The following ROBO1 variants were observed in gnomAD, a reference collection of about 807,000 sequenced individuals.
The protein encoded by ROBO1 is roundabout homolog 1.
A neutral mutation model predicts 195.9 loss-of-function variants in ROBO1; 149 were observed. The ratio of observed to expected loss-of-function variants is 0.76; its 90% CI spans 0.67 to 0.87. The LOEUF is 0.87. Ranked by LOEUF, ROBO1 falls within the 40% of genes least tolerant of loss-of-function variation. The probability of loss-of-function intolerance (pLI) is 0.00; values close to 1 mark genes in which losing one functional copy is unlikely to be tolerated. For synonymous variants in ROBO1, 816 were observed against 733.2 expected (o/e 1.11, Z -1.82); for missense variants, 1,933 against 2,068.3 (o/e 0.93, Z 1.27).
intron 2 of ROBO1, among the ~76,000 whole-genome samples, chr3:79,557,691 C>T (rs1942752137): frequency 7.9e-6 from 1 of 125,898 alleles, no homozygotes; most frequent in Non-Finnish European, 1.7e-5. Context: ...CGAGATCGCG[C>T]CACTGCACTC....
intron 20 of ROBO1, among the ~76,000 whole-genome samples, chr3:78,647,255 A>T (rs1292908602): frequency 6.6e-6 from 1 of 152,012 alleles, no homozygotes; most frequent in Non-Finnish European, 1.5e-5. Context: ...ATTATAAGGG[A>T]GAGAAATTTT....
intron 1 of ROBO1, among the ~76,000 whole-genome samples, chr3:79,760,503 A>C (rs1704640911): frequency 6.7e-6 from 1 of 150,156 alleles, no homozygotes; most frequent in African/African-American, 2.4e-5. Context: ...ATACCAAAAA[A>C]AAAAAAAAAA....
At chr3:79,330,075 A>G (rs2034369791) in intron 2 of ROBO1, among the ~76,000 whole-genome samples, 1 of 151,732 alleles carries the variant, frequency 6.6e-6, no homozygotes, top group Non-Finnish European at 1.5e-5. Context: ...TAAAATTAGT[A>G]ATTTAAAAGG....
chr3:79,228,300 G>C (rs1307010373), intron 2 of ROBO1, among the ~76,000 whole-genome samples: 1 of 152,104 alleles, frequency 6.6e-6, no homozygotes, highest in African/African-American at 2.4e-5. Context: ...TTTCTACCTA[G>C]TGAAGGGTCA....
chr3:79,197,551 C>G (rs537722577), intron 2 of ROBO1, among the ~76,000 whole-genome samples: 8 of 151,962 alleles, frequency 5.3e-5, no homozygotes, highest in Non-Finnish European at 1.2e-4. Context: ...TGGATATATA[C>G]CCAGTAATGG....
chr3:79,443,379 T>C (rs1049832931), intron 2 of ROBO1, among the ~76,000 whole-genome samples: 1 of 152,190 alleles, frequency 6.6e-6, no homozygotes, highest in Non-Finnish European at 1.5e-5. Context: ...GAATTAACTA[T>C]CTCGGTTAAA....
At chr3:78,900,109 C>A (rs1387415331) in intron 4 of ROBO1, among the ~76,000 whole-genome samples, 1 of 152,054 alleles carries the variant, frequency 6.6e-6, no homozygotes, top group Admixed American at 6.6e-5. Flanking sequence ...ACACTGAAAC[C>A]AGAAGACATG....
intron 2 of ROBO1, among the ~76,000 whole-genome samples, chr3:79,497,162 G>A (rs1939792019): frequency 6.6e-6 from 1 of 152,142 alleles, no homozygotes; most frequent in Admixed American, 6.5e-5. Context: ...CAAGTTTCAA[G>A]CAGATTCTAT....
intron 3 of ROBO1, among the ~76,000 whole-genome samples, chr3:79,022,422 TA>T (rs1483359440): frequency 1.3e-5 from 2 of 152,210 alleles, no homozygotes; most frequent in Admixed American, 6.5e-5. Flanking sequence ...CCATTCAGGT[TA>T]AATGACATCC....
At chr3:79,461,815 T>C (rs1231902594) in intron 2 of ROBO1, among the ~76,000 whole-genome samples, 1 of 152,058 alleles carries the variant, frequency 6.6e-6, no homozygotes, top group Non-Finnish European at 1.5e-5. Flanking sequence ...TGTTTGAAAA[T>C]GGCATAATGT....
chr3:79,332,434 T>C (rs561352222), intron 2 of ROBO1, among the ~76,000 whole-genome samples: 3 of 152,180 alleles, frequency 2.0e-5, no homozygotes, highest in Non-Finnish European at 4.4e-5. Context: ...TTGCTTGCCA[T>C]CAAACAAGAG....
rs116703288 is a variant in ROBO1, at chr3:79,113,121, T to G, written c.172+12335A>C. Among the ~76,000 whole-genome samples the G allele has an allele frequency of 2.3e-3, 344 of 152,246 alleles. 3 individuals are homozygous for G. Among genetic ancestry groups the G allele is most frequent in the African/African-American group, 7.9e-3 (329 of 41,562 alleles). The stretch of plus-strand genomic sequence containing the variant: ...CACAAAATATCAAATTTATGTGCTT[T>G]GATTTTCTCTCTGAGCTTCTTTAAA... On this transcript the variant is annotated intron_variant, in intron 3 of 30. Transcript: ENST00000464233.
At chr3:79,536,505 T>C (rs1190568365) in intron 2 of ROBO1, among the ~76,000 whole-genome samples, 1 of 152,184 alleles carries the variant, frequency 6.6e-6, no homozygotes. Context: ...AAATTTCTAT[T>C]GGGATTTCAA....
intron 4 of ROBO1, among the ~76,000 whole-genome samples, chr3:78,783,114 G>C (rs2083728618): frequency 6.6e-6 from 1 of 151,888 alleles, no homozygotes; most frequent in African/African-American, 2.4e-5. Context: ...AAATGTTAAG[G>C]GGTACAAGTG....
intron 2 of ROBO1, among the ~76,000 whole-genome samples, chr3:79,302,740 GAAATT>G (rs1192711567): frequency 6.6e-6 from 1 of 151,822 alleles, no homozygotes. Context: ...ATGTATAATG[GAAATT>G]AACCTTTCAG....
At chr3:78,960,272 C>T (rs1172580980) in intron 3 of ROBO1, among the ~76,000 whole-genome samples, 1 of 151,014 alleles carries the variant, frequency 6.6e-6, no homozygotes, top group Non-Finnish European at 1.5e-5. Context: ...AAATATCTAC[C>T]AATGCAAATA....
chr3:78,922,134 G>A (rs2038968708), intron 4 of ROBO1, among the ~76,000 whole-genome samples: 1 of 152,156 alleles, frequency 6.6e-6, no homozygotes, highest in South Asian at 2.1e-4. Flanking sequence ...TTGAAGGCAT[G>A]TACAGGCAGT....
intron 2 of ROBO1, among the ~76,000 whole-genome samples, chr3:79,532,663 A>G (rs984784895): frequency 6.6e-6 from 1 of 152,188 alleles, no homozygotes; most frequent in African/African-American, 2.4e-5. Flanking sequence ...CACATCTCTT[A>G]TCTTCTCTGA....
chr3:79,580,302 T>G lies in ROBO1; in HGVS notation c.88+9522A>C, dbSNP rs1158670065. Among the ~76,000 whole-genome samples the G allele has an allele frequency of 6.6e-5, 10 of 151,726 alleles. No individual in the cohort carries two copies. In the East Asian group the frequency reaches 1.9e-3, roughly 29 times the overall value. On this transcript the variant is annotated intron_variant, in intron 2 of 30. Coordinates refer to ENST00000464233, the MANE Select transcript of ROBO1 (RefSeq NM_002941.4). ...GCCTGACAAACGTGGTGAAACCCTT[T>G]CTCTACTAAAAACAAAAAAAAATTA...
Sources: gnomAD v4.1 joint callset for allele counts (sites outside exome capture counted in the v4.1 genomes callset) on GRCh38, gnomAD v4.1.1 for gene constraint, MANE v1.5 for transcripts, NCBI Gene and HGNC (gene_info 2026-07-23, HGNC 2026-07-21) for gene names.